The following PDZRN4 variants were observed in gnomAD, a reference collection of about 807,000 sequenced individuals.
PDZRN4 encodes PDZ domain-containing RING finger protein 4.
A neutral mutation model predicts 99.0 loss-of-function variants in PDZRN4; 70 were observed. The observed-to-expected ratio is 0.71, with a 90% CI of 0.58 to 0.86. The LOEUF is 0.86. PDZRN4 is among the 40% of genes least tolerant of loss of function. The pLI is 0.00. For missense variants in PDZRN4, 1,474 were observed against 1,331.2 expected (o/e 1.11, Z -1.67); for synonymous variants, 551 against 501.6 (o/e 1.10, Z -1.32).
chr12:41,564,249 G>T (rs1272895549), intron 8 of PDZRN4, among the ~76,000 whole-genome samples: 1 of 152,146 alleles, frequency 6.6e-6, no homozygotes, highest in East Asian at 1.9e-4. Context: ...TTGTTTCCAA[G>T]TTTAGTGTGA....
intron 3 of PDZRN4, among the ~76,000 whole-genome samples, chr12:41,251,203 T>C (rs1273521971): frequency 6.6e-6 from 1 of 152,214 alleles, no homozygotes; most frequent in Non-Finnish European, 1.5e-5. Flanking sequence ...AGTCAGATGA[T>C]GTAAGCTGAA....
intron 3 of PDZRN4, among the ~76,000 whole-genome samples, chr12:41,376,589 T>A (rs1040193201): frequency 6.6e-6 from 1 of 152,202 alleles, no homozygotes; most frequent in Admixed American, 6.5e-5. Context: ...TTGCTTTTAT[T>A]CTATTGAGTT....
intron 3 of PDZRN4, among the ~76,000 whole-genome samples, chr12:41,198,469 G>T (rs1017104523): frequency 6.6e-6 from 1 of 151,862 alleles, no homozygotes; most frequent in African/African-American, 2.4e-5. Flanking sequence ...ACAAAGCAGA[G>T]GATTTTTTTT....
At chr12:41,488,579 G>A (rs1479158433) in intron 3 of PDZRN4, among the ~76,000 whole-genome samples, 1 of 152,076 alleles carries the variant, frequency 6.6e-6, no homozygotes, top group Non-Finnish European at 1.5e-5. Context: ...AAGAAACCTG[G>A]CGTGTAGTCA....
chr12:41,278,415 G>A (rs953887933), intron 3 of PDZRN4, among the ~76,000 whole-genome samples: 2 of 152,148 alleles, frequency 1.3e-5, no homozygotes, highest in Admixed American at 1.3e-4. Context: ...GTTAATCTTA[G>A]CAGTCTGTTA....
chr12:41,330,723 C>A (rs889055240), intron 3 of PDZRN4, among the ~76,000 whole-genome samples: 2 of 151,960 alleles, frequency 1.3e-5, no homozygotes, highest in African/African-American at 4.8e-5. Flanking sequence ...ATAATACTAT[C>A]CAGTAGCCAA....
At chr12:41,368,751 G>A (rs983356383) in intron 3 of PDZRN4, among the ~76,000 whole-genome samples, 10 of 152,044 alleles carry the variant, frequency 6.6e-5, no homozygotes, top group Admixed American at 4.6e-4. Flanking sequence ...GTTTAGATCT[G>A]TATCGCTTCC....
At position 41,458,367 on chromosome 12, in the gene PDZRN4, G is replaced by A. The variant is rs956467449; in HGVS notation, c.844-48089G>A. Among the ~76,000 whole-genome samples, 6 of 152,158 alleles carry A rather than the reference G, an allele frequency of 3.9e-5. 1 individual carries two copies. The highest frequency in any genetic ancestry group is 3.9e-4 in the Admixed American group (6 of 15,282). ...AGACAGGGTTTCACCACATCGGCCA[G>A]GCTGGTCTTGAACTACTGACCTCAG... On this transcript the variant is annotated intron_variant, in intron 3 of 9. Transcript: ENST00000402685.
chr12:41,525,226 C>T (rs578169219), intron 5 of PDZRN4, among the ~76,000 whole-genome samples: 29 of 152,010 alleles, frequency 1.9e-4, no homozygotes, highest in Non-Finnish European at 3.7e-4. Context: ...AGAAAAAGGC[C>T]AAAGACAGAC....
At chr12:41,427,661 A>AT (rs1432850329) in intron 3 of PDZRN4, among the ~76,000 whole-genome samples, 2 of 152,294 alleles carry the variant, frequency 1.3e-5, no homozygotes, top group African/African-American at 4.8e-5. Flanking sequence ...TAACATGTCG[A>AT]TTTTTTGGTG....
intron 3 of PDZRN4, among the ~76,000 whole-genome samples, chr12:41,473,809 CCTA>C (rs1953016128): frequency 6.6e-6 from 1 of 152,186 alleles, no homozygotes; most frequent in African/African-American, 2.4e-5. Flanking sequence ...TAAAACCCAA[CCTA>C]CTAAGTGACC....
At chr12:41,209,523 T>C (rs12823360) in intron 3 of PDZRN4, among the ~76,000 whole-genome samples, 1 of 110,652 alleles carries the variant, frequency 9.0e-6, no homozygotes, top group Non-Finnish European at 1.7e-5. Context: ...CAGGCCCCGA[T>C]GTGTGATGTT....
At chr12:41,283,931 T>C (rs1218631006) in intron 3 of PDZRN4, among the ~76,000 whole-genome samples, 2 of 152,154 alleles carry the variant, frequency 1.3e-5, no homozygotes. Flanking sequence ...CTGGAAGCAT[T>C]CCCTTTGAAA....
chr12:41,270,419 A>G lies in PDZRN4; in HGVS notation c.843+76231A>G, dbSNP rs568430236. 2.0e-5 allele frequency among the ~76,000 whole-genome samples: 3 copies of G among 151,984 alleles called. No homozygotes were observed. In the East Asian group the frequency reaches 5.8e-4, roughly 29 times the overall value. On this transcript the variant is annotated intron_variant, in intron 3 of 9. Transcript: ENST00000402685. ...CAACTTATAGAAATAAAGATTAATG[A>G]ATTTAGAGAAAATTGAATTCTATCA...
In PDZRN4 at chr12:41,188,928, G is replaced by T. The variant is rs1199367926; in HGVS notation, c.473G>T (p.Arg158Leu). ...GPPGGRWGRG[R>L]GPGPRVLAWR... ...CCGGGCGGCCGCTGGGGCCGCGGGC[G>T]GGGACCCGGGCCTCGGGTCCTCGCC... Residue 158 changes from arginine (R) to leucine (L), a missense_variant, in exon 1 of 10, where the codon CGG (arginine) becomes CTG (leucine). By Grantham distance (102) the Arg-to-Leu change is moderately radical. Transcript: ENST00000402685. The T allele has an allele frequency of 5.0e-6, 6 of 1,210,026 alleles. No homozygotes were observed. In the East Asian group the frequency reaches 1.4e-4, roughly 27 times the overall value. 75.0% of individuals were successfully genotyped at this position (1,210,026 alleles called of 1,614,324 possible). A position where few individuals can be genotyped will look rare whatever the true frequency, so the allele number is the denominator to read the frequency against.
intron 3 of PDZRN4, among the ~76,000 whole-genome samples, chr12:41,243,584 A>C (rs1050760015): frequency 5.3e-5 from 8 of 152,172 alleles, no homozygotes; most frequent in African/African-American, 1.9e-4. Flanking sequence ...AGATAGATCT[A>C]TTGGAGTCCC....
chr12:41,381,933 C>T (rs377149194), intron 3 of PDZRN4, among the ~76,000 whole-genome samples: 1 of 152,114 alleles, frequency 6.6e-6, no homozygotes, highest in South Asian at 2.1e-4. Context: ...CATTTACAGG[C>T]AGGTAGGGCT....
intron 3 of PDZRN4, among the ~76,000 whole-genome samples, chr12:41,323,167 C>T (rs1951691090): frequency 6.6e-6 from 1 of 152,138 alleles, no homozygotes; most frequent in Non-Finnish European, 1.5e-5. Context: ...CTCTGCTTTG[C>T]TCCTAAGGTT....
At chr12:41,315,601 T>A (rs181131740) in intron 3 of PDZRN4, among the ~76,000 whole-genome samples, 1 of 152,148 alleles carries the variant, frequency 6.6e-6, no homozygotes, top group Non-Finnish European at 1.5e-5. Context: ...AAATTATAAA[T>A]GCAGTTTTGA....
Sources: allele counts gnomAD v4.1 joint callset (sites outside exome capture counted in the v4.1 genomes callset), GRCh38; gene constraint gnomAD v4.1.1; transcripts MANE v1.5; gene names NCBI Gene and HGNC (gene_info 2026-07-23, HGNC 2026-07-21).